The following ESCO2 variants were observed in gnomAD, a reference collection of about 807,000 sequenced individuals.
ESCO2 encodes the protein establishment of sister chromatid cohesion N-acetyltransferase 2.
In ESCO2, 51 loss-of-function variants were observed where a neutral mutation model predicts 61.7. That is an observed-to-expected ratio of 0.83 (90% CI 0.66 to 1.04). ESCO2 has a LOEUF of 1.04. ESCO2 is among the 50% of genes least tolerant of loss of function. ESCO2 has a pLI of 0.00. For missense variants in ESCO2, 692 were observed against 686.2 expected (o/e 1.01, Z -0.09); for synonymous variants, 230 against 238.2 (o/e 0.97, Z 0.32).
downstream of ESCO2, among the ~76,000 whole-genome samples, chr8:27,816,343 C>CATATA (rs1554559819): frequency 2.2e-5 from 3 of 136,366 alleles, no homozygotes; most frequent in African/African-American, 8.8e-5. Flanking sequence ...TCATCGAATA[C>CATATA]TATATATATA....
At chr8:27,791,855 A>T in intron 7 of ESCO2, 108 bp from the exon 8 acceptor site, 4 of 910,106 alleles carry the variant, frequency 4.4e-6, no homozygotes, top group Non-Finnish European at 5.3e-6. Context: ...TCTTCTTTTT[A>T]TATCTATTAT....
At chr8:27,786,414 G>T (rs541888696) in intron 5 of ESCO2, among the ~76,000 whole-genome samples, 2 of 152,238 alleles carry the variant, frequency 1.3e-5, no homozygotes, top group South Asian at 4.1e-4. Flanking sequence ...ATAGATAATC[G>T]CAAGAAACAC....
chr8:27,774,646 G>A (rs991537615), intron 1 of ESCO2, 39 bp downstream of exon 1: 2 of 152,632 alleles, frequency 1.3e-5, no homozygotes, highest in African/African-American at 4.8e-5. Context: ...GGCTGTGGAA[G>A]GCTGAGGCGA....
At chr8:27,785,665 A>T (rs189905033) in intron 5 of ESCO2, among the ~76,000 whole-genome samples, 1 of 150,112 alleles carries the variant, frequency 6.7e-6, no homozygotes, top group East Asian at 2.0e-4. Flanking sequence ...GTGCCACTGC[A>T]CTCCAGCCTG....
chr8:27,797,626 C>T (rs576911158), intron 9 of ESCO2, among the ~76,000 whole-genome samples: 2 of 152,000 alleles, frequency 1.3e-5, no homozygotes, highest in Non-Finnish European at 2.9e-5. Context: ...TATATATATT[C>T]CCTTCTTCCT....
At chr8:27,775,286 G>C (rs922620021) in intron 1 of ESCO2, among the ~76,000 whole-genome samples, 2 of 152,138 alleles carry the variant, frequency 1.3e-5, no homozygotes, top group African/African-American at 4.8e-5. Context: ...ACAAGAAAAT[G>C]TCTTAAATGG....
intron 10 of ESCO2, among the ~76,000 whole-genome samples, chr8:27,802,504 G>A: frequency 6.8e-6 from 1 of 146,430 alleles, no homozygotes; most frequent in Non-Finnish European, 1.5e-5. Flanking sequence ...CTACTCGGGA[G>A]GCTGAGGCAG....
intron 5 of ESCO2, among the ~76,000 whole-genome samples, chr8:27,787,283 G>T (rs998763152): frequency 6.6e-6 from 1 of 151,806 alleles, no homozygotes; most frequent in Non-Finnish European, 1.5e-5. Flanking sequence ...TTCATAATAG[G>T]TAAAGGTTGT....
At chr8:27,802,987 C>A (rs1437640485) in intron 10 of ESCO2, among the ~76,000 whole-genome samples, 2 of 151,930 alleles carry the variant, frequency 1.3e-5, no homozygotes, top group African/African-American at 4.8e-5. Flanking sequence ...TCCGCCTTGG[C>A]CTCCCAAAGT....
At chr8:27,788,224 ATTG>A (rs1805092060) in intron 6 of ESCO2, among the ~76,000 whole-genome samples, 1 of 149,920 alleles carries the variant, frequency 6.7e-6, no homozygotes, top group African/African-American at 2.5e-5. Flanking sequence ...TAATTTTAAT[ATTG>A]TTTAAAATAA....
chr8:27,787,938 C>G lies in ESCO2; in HGVS notation c.1067C>G (p.Thr356Ser). The change falls in exon 6 of 11, where the codon ACC becomes AGC. Residue 356 changes from threonine to serine, a missense_variant. Physicochemically the swap from Thr to Ser is moderately conservative, Grantham distance 58. Transcript: ENST00000305188. ...SVGSVNFMKQ[T>S]NIQKNTNTRD... ...GGATCTGTCAACTTCATGAAACAGA[C>G]CAATATCCAGAAAAATACTAATACC... 6.2e-7 allele frequency: 1 copy of G among 1,613,694 alleles called. No homozygotes were observed. The highest frequency in any genetic ancestry group is 8.5e-7 in the Non-Finnish European group (1 of 1,179,850).
chr8:27,790,574 TTAGC>T (rs1472983139), intron 7 of ESCO2, among the ~76,000 whole-genome samples: 1 of 152,182 alleles, frequency 6.6e-6, no homozygotes, highest in Non-Finnish European at 1.5e-5. Flanking sequence ...ACATTTTTAT[TTAGC>T]TAGTTTGTGA....
downstream of ESCO2, among the ~76,000 whole-genome samples, chr8:27,811,756 T>G (rs1346166043): frequency 6.6e-6 from 1 of 152,226 alleles, no homozygotes; most frequent in Non-Finnish European, 1.5e-5. Flanking sequence ...CTTAATAGTA[T>G]TGAGTCTTCC....
chr8:27,816,382 AATTT>A (rs1366638134), downstream of ESCO2, among the ~76,000 whole-genome samples: 1 of 39,506 alleles, frequency 2.5e-5, no homozygotes, highest in Non-Finnish European at 5.3e-5. Flanking sequence ...TATTTATTTT[AATTT>A]ATTTTTTTTT....
chr8:27,799,799 G>T, intron 10 of ESCO2, 83 bp downstream of exon 10: 2 of 1,476,380 alleles, frequency 1.4e-6, no homozygotes, highest in Non-Finnish European at 1.9e-6. Flanking sequence ...TAAAGGGAAG[G>T]ATATTGGTAA....
rs1805512352 is a variant in ESCO2, at chr8:27,804,054, C to T, written c.*616C>T. 1.0e-6 allele frequency: 1 copy of T among 985,362 alleles called. No individual in the cohort carries two copies. Among genetic ancestry groups the T allele is most frequent in the African/African-American group, 1.7e-5 (1 of 57,168 alleles). The allele number at this position is 985,362 out of a possible 1,614,324, so 61.0% of individuals were successfully genotyped here. ...AATTCCTGACTTCTCTATACAGAGT[C>T]TTCACTTGATAGGCACTCGTCTGTA... On this transcript the variant is annotated 3_prime_UTR_variant, in exon 11 of 11. Coordinates refer to ENST00000305188, the MANE Select transcript of ESCO2 (RefSeq NM_001017420.3).
chr8:27,808,120 T>G, downstream of ESCO2: 1 of 556,588 alleles, frequency 1.8e-6, no homozygotes, highest in Non-Finnish European at 2.5e-6. Flanking sequence ...TATATAGCAT[T>G]TTTTTATATA....
At chr8:27,808,512 AAAAAT>A (rs1347146205), downstream of ESCO2, among the ~76,000 whole-genome samples, 40 of 144,546 alleles carry the variant, frequency 2.8e-4, no homozygotes, top group Admixed American at 1.7e-3. Flanking sequence ...TGTCTCTACA[AAAAAT>A]AAAAAAAAAA....
At chr8:27,788,820 G>T (rs1563475215) in intron 6 of ESCO2, 27 bp from the exon 7 acceptor site, 13 of 1,613,678 alleles carry the variant, frequency 8.1e-6, no homozygotes, top group Non-Finnish European at 1.1e-5. Flanking sequence ...ATTTAAATGG[G>T]TTTCTTTTTT....
Sources: gnomAD v4.1 joint callset for allele counts (sites outside exome capture counted in the v4.1 genomes callset) on GRCh38, gnomAD v4.1.1 for gene constraint, MANE v1.5 for transcripts, NCBI Gene and HGNC (gene_info 2026-07-23, HGNC 2026-07-21) for gene names.